The following SIK3 variants were observed in gnomAD, a reference collection of about 807,000 sequenced individuals.
The protein encoded by SIK3 is SIK family kinase 3.
A neutral mutation model predicts 144.2 loss-of-function variants in SIK3; 28 were observed. The ratio of observed to expected loss-of-function variants is 0.19; its 90% confidence interval spans 0.14 to 0.27. The LOEUF (loss-of-function observed/expected upper bound fraction) is 0.27, where lower values mean the gene tolerates loss of function less well. Ranked by LOEUF, SIK3 falls within the 10% of genes least tolerant of loss-of-function variation. SIK3 has a pLI of 1.00. For synonymous variants in SIK3, 686 were observed against 676.3 expected (o/e 1.01, Z -0.22); for missense variants, 1,319 against 1,776.0 (o/e 0.74, Z 4.62).
At chr11:116,851,727 C>T (rs1328306939) in intron 21 of SIK3, among the ~76,000 whole-genome samples, 2 of 152,212 alleles carry the variant, frequency 1.3e-5, no homozygotes, top group Non-Finnish European at 2.9e-5. Flanking sequence ...CCAGGACTTG[C>T]TCTGTGGGAT....
intron 4 of SIK3, among the ~76,000 whole-genome samples, chr11:116,917,760 G>C (rs1241590880): frequency 6.7e-6 from 1 of 149,144 alleles, no homozygotes; most frequent in Non-Finnish European, 1.5e-5. Flanking sequence ...AGGAAAGAGA[G>C]CGAGAGAGAA....
At position 117,061,829 on chromosome 11, in the gene SIK3, TTATTTGCTGATGATACG is replaced by T. The variant is rs1225807206; in HGVS notation, c.273+36297_273+36313del. 5.4e-4 allele frequency among the ~76,000 whole-genome samples: 82 copies of T among 152,172 alleles called. 1 individual carries two copies. Among genetic ancestry groups the T allele is most frequent in the Non-Finnish European group, 1.5e-5 (1 of 68,036 alleles). On this transcript the variant is annotated intron_variant, in intron 1 of 24. Transcript: ENST00000445177. ...AGAAATATTAGAAGAGTCCAAATTATTATTTGCTGATGATACGTTACAAAAAAAGAGAATCAATTATA... is the reference window on the plus strand; with the variant it reads ...AGAAATATTAGAAGAGTCCAAATTATTTACAAAAAAAGAGAATCAATTATA...
At chr11:116,927,117 A>T in intron 4 of SIK3, 102 bp downstream of exon 4, 1 of 813,068 alleles carries the variant, frequency 1.2e-6, no homozygotes, top group East Asian at 2.9e-5. Context: ...TTACTTTCAC[A>T]ATAGTTCTTT....
intron 1 of SIK3, among the ~76,000 whole-genome samples, chr11:116,963,639 A>T (rs942890045): frequency 6.6e-6 from 1 of 152,208 alleles, no homozygotes; most frequent in African/African-American, 2.4e-5. Context: ...TCCCTGAATC[A>T]AACTCTGAGA....
rs764595335 is a variant in SIK3 at position 116,847,538 on chromosome 11, T to A, written c.3890A>T (p.Asp1297Val). 6.2e-7 allele frequency: 1 copy of A among 1,614,164 alleles called. No homozygotes were observed. The highest frequency in any genetic ancestry group is 1.1e-5 in the South Asian group (1 of 91,076). ...GAGCGAAGACTGACTGAGAACTGCA[T>A]CCGACATCCGGGCAGAGCTAAGTGC... Reference protein sequence around the residue: ...GKALSSARMSDAVLSQSSLMG... With the variant: ...GKALSSARMSVAVLSQSSLMG... Residue 1297 changes from aspartate (D) to valine (V), a missense_variant, in exon 23 of 25, where the codon GAT (aspartate) becomes GTT (valine). Asp to Val is a radical substitution (Grantham distance 152). Around this residue, in one of 8 missense-constraint regions of SIK3, gnomAD observed 646 missense variants for 763.7 expected, o/e 0.85. Coordinates refer to ENST00000445177, the MANE Select transcript of SIK3 (RefSeq NM_001366686.3).
chr11:117,048,400 T>C (rs950127457), intron 1 of SIK3, among the ~76,000 whole-genome samples: 1 of 152,248 alleles, frequency 6.6e-6, no homozygotes, highest in African/African-American at 2.4e-5. Flanking sequence ...CTCACGCCTG[T>C]AATCCCAGCA....
intron 1 of SIK3, among the ~76,000 whole-genome samples, chr11:117,071,381 T>C (rs1954273421): frequency 6.6e-6 from 1 of 151,760 alleles, no homozygotes; most frequent in Non-Finnish European, 1.5e-5. Context: ...AAGGACTACA[T>C]GAAGATCGGG....
At chr11:117,061,461 C>G (rs1953792197) in intron 1 of SIK3, among the ~76,000 whole-genome samples, 1 of 152,244 alleles carries the variant, frequency 6.6e-6, no homozygotes, top group Non-Finnish European at 1.5e-5. Flanking sequence ...TTATAAACTT[C>G]TCTAAGTGTC....
chr11:117,029,980 A>G (rs951119707), intron 1 of SIK3, among the ~76,000 whole-genome samples: 1 of 151,768 alleles, frequency 6.6e-6, no homozygotes, highest in Non-Finnish European at 1.5e-5. Context: ...GAAGAGGGAG[A>G]GCACAGAACC....
At chr11:116,848,733 T>C (rs1942192333) in intron 22 of SIK3, among the ~76,000 whole-genome samples, 1 of 152,122 alleles carries the variant, frequency 6.6e-6, no homozygotes, top group African/African-American at 2.4e-5. Flanking sequence ...GCTCTTAAGG[T>C]AGGCGAATTG....
At chr11:116,968,140 GTTTT>G (rs999143157) in intron 1 of SIK3, among the ~76,000 whole-genome samples, 1 of 151,830 alleles carries the variant, frequency 6.6e-6, no homozygotes, top group East Asian at 1.9e-4. Context: ...AAATTTCTGG[GTTTT>G]TTTGTTTTTG....
chr11:117,038,523 ATTT>A (rs1282478579), intron 1 of SIK3, among the ~76,000 whole-genome samples: 2 of 151,666 alleles, frequency 1.3e-5, no homozygotes, highest in African/African-American at 4.8e-5. Flanking sequence ...CGCCTGGCTA[ATTT>A]TTGTATTTTC....
intron 1 of SIK3, among the ~76,000 whole-genome samples, chr11:117,008,870 C>T (rs918846732): frequency 1.3e-5 from 2 of 152,056 alleles, no homozygotes; most frequent in African/African-American, 4.8e-5. Flanking sequence ...CAGAAACTAA[C>T]CCAGAAATAA....
intron 1 of SIK3, among the ~76,000 whole-genome samples, chr11:116,957,541 T>C (rs1005051761): frequency 6.6e-6 from 1 of 152,332 alleles, no homozygotes; most frequent in Middle Eastern, 3.4e-3. Flanking sequence ...CACCAGATGC[T>C]TGTAGAACTC....
intron 1 of SIK3, among the ~76,000 whole-genome samples, chr11:117,044,431 T>C (rs1197842432): frequency 2.0e-5 from 3 of 152,110 alleles, no homozygotes; most frequent in African/African-American, 7.2e-5. Context: ...AAATTTTAAT[T>C]ATGATTCATT....
intron 7 of SIK3, 122 bp from the exon 8 acceptor site, chr11:116,876,485 A>G (rs1387695011): frequency 2.6e-6 from 2 of 764,106 alleles, no homozygotes; most frequent in African/African-American, 1.7e-5. Flanking sequence ...GCCTCAGACA[A>G]AGTCTAAGGA....
chr11:116,976,571 A>G (rs1165863719), intron 1 of SIK3, among the ~76,000 whole-genome samples: 1 of 152,216 alleles, frequency 6.6e-6, no homozygotes, highest in African/African-American at 2.4e-5. Context: ...TCTTGAATCT[A>G]TCCCATTTAT....
chr11:116,860,669 G>A (rs1275470733), intron 19 of SIK3, among the ~76,000 whole-genome samples: 1 of 152,150 alleles, frequency 6.6e-6, no homozygotes, highest in Non-Finnish European at 1.5e-5. Context: ...AGTGTTTTAC[G>A]TATATCTACA....
intron 4 of SIK3, 110 bp from the exon 5 acceptor site, chr11:116,897,427 G>A: frequency 1.0e-6 from 1 of 984,540 alleles, no homozygotes. Context: ...AATATTAAAT[G>A]CAAAAAGAGA....
Sources: gnomAD v4.1 joint callset for allele counts (sites outside exome capture counted in the v4.1 genomes callset) on GRCh38, gnomAD v4.1.1 for gene constraint, gnomAD v4.1.1 regional missense constraint, MANE v1.5 for transcripts, NCBI Gene and HGNC (gene_info 2026-07-23, HGNC 2026-07-21) for gene names.